FBXO15: variants seen among roughly 807,000 people sequenced by gnomAD.
The protein encoded by FBXO15 is F-box protein 15, also known as F-box only protein 15.
A neutral mutation model predicts 49.5 loss-of-function variants in FBXO15; 30 were observed. That is an observed-to-expected ratio of 0.61 (90% confidence interval 0.45 to 0.82). FBXO15 has a LOEUF of 0.82. Among genes scored for constraint, FBXO15 ranks in the 40% least tolerant of loss-of-function variants. FBXO15 has a pLI of 0.00. For missense variants in FBXO15, 591 were observed against 631.5 expected, an observed-to-expected ratio of 0.94 and a Z score of 0.69; for synonymous variants, 250 against 232.7, an observed-to-expected ratio of 1.07 and a Z score of -0.68.
chr18:74,086,911 C>A (rs992818818), intron 8 of FBXO15, among the ~76,000 whole-genome samples: 5 of 152,270 alleles, frequency 3.3e-5, no homozygotes, highest in African/African-American at 9.6e-5. Flanking sequence ...GAAACTTAAA[C>A]ACAAGCATAT....
intron 2 of FBXO15, among the ~76,000 whole-genome samples, chr18:74,139,429 G>A (rs1277803516): frequency 3.9e-5 from 6 of 152,194 alleles, no homozygotes; most frequent in Non-Finnish European, 8.8e-5. Context: ...AGAGCATAGG[G>A]TTTTAAGCTG....
chr18:74,113,112 G>C (rs1914100037), intron 8 of FBXO15, among the ~76,000 whole-genome samples: 1 of 152,146 alleles, frequency 6.6e-6, no homozygotes, highest in African/African-American at 2.4e-5. Flanking sequence ...ATATTATTCA[G>C]CACTAAAAGG....
At chr18:74,084,450 G>A (rs1386874227) in intron 8 of FBXO15, among the ~76,000 whole-genome samples, 1 of 152,242 alleles carries the variant, frequency 6.6e-6, no homozygotes, top group Non-Finnish European at 1.5e-5. Flanking sequence ...AGGCGGGCAG[G>A]AGCAGAGGTT....
chr18:74,141,198 C>G (rs1979052891), intron 1 of FBXO15, among the ~76,000 whole-genome samples: 1 of 152,196 alleles, frequency 6.6e-6, no homozygotes, highest in African/African-American at 2.4e-5. Flanking sequence ...TTATTAAGAT[C>G]AGTCCTCAAA....
intron 5 of FBXO15, 151 bp from the exon 6 acceptor site, chr18:74,126,252 A>T: frequency 9.7e-7 from 1 of 1,029,216 alleles, no homozygotes. Context: ...TGAGGACACA[A>T]ATGAATAAAA....
In FBXO15 at chr18:74,135,872, A is replaced by G. The variant is rs750321002; in HGVS notation, c.228-6T>C. ...GCAAGATTTCTGAAGGCATTCTGCA[A>G]AAACAGAAAAAGAAAAAAAAAATCA... is the stretch of plus-strand genomic sequence containing the variant. On this transcript the variant is annotated splice_polypyrimidine_tract_variant and splice_region_variant and intron_variant, in intron 2 of 9. Coordinates refer to ENST00000419743, the MANE Select transcript of FBXO15 (RefSeq NM_001142958.2). The G allele has an allele frequency of 3.1e-6, 5 of 1,598,340 alleles. No homozygotes were observed. The East Asian group carries it at 1.1e-4, about 36-fold the overall frequency.
At chr18:74,080,633 T>C (rs1057441285) in intron 9 of FBXO15, among the ~76,000 whole-genome samples, 2 of 152,246 alleles carry the variant, frequency 1.3e-5, no homozygotes, top group African/African-American at 2.4e-5. Context: ...AGAACTTCTA[T>C]GAGAAATCTG....
chr18:74,125,903 A>G (rs1334197403), intron 6 of FBXO15, 72 bp downstream of exon 6: 2 of 1,569,664 alleles, frequency 1.3e-6, no homozygotes, highest in African/African-American at 2.7e-5. Flanking sequence ...ATTTGAAGTC[A>G]TACATAATGG....
At chr18:74,145,689 C>CT (rs1479434979) in intron 1 of FBXO15, among the ~76,000 whole-genome samples, 1 of 150,888 alleles carries the variant, frequency 6.6e-6, no homozygotes, top group Admixed American at 6.6e-5. Flanking sequence ...GCTCCGCCTC[C>CT]TGGGTTCACG....
At chr18:74,125,948 C>T in intron 6 of FBXO15, 27 bp downstream of exon 6, 1 of 1,611,690 alleles carries the variant, frequency 6.2e-7, no homozygotes, top group Non-Finnish European at 8.5e-7. Context: ...GGAAATGACA[C>T]AGTACATACA....
In FBXO15 at chr18:74,124,688, A is replaced by G. The variant is rs377503660; in HGVS notation, c.913-117T>C. The G allele has an allele frequency of 1.2e-5, 10 of 814,932 alleles. No homozygotes were observed. In the African/African-American group the frequency reaches 1.3e-4, roughly 11 times the overall value. 50.5% of individuals were successfully genotyped at this position (814,932 alleles called of 1,614,324 possible). Reference sequence around the variant, plus strand: ...CAGATAGAGGCACTTTCTTACAAACATAAGATCACCACAGTGCTAATGCAT... The same window carrying G: ...CAGATAGAGGCACTTTCTTACAAACGTAAGATCACCACAGTGCTAATGCAT... On this transcript the variant is annotated intron_variant, in intron 6 of 9. Coordinates refer to ENST00000419743, the MANE Select transcript of FBXO15 (RefSeq NM_001142958.2).
At chr18:74,121,884 T>C (rs1204727630) in intron 8 of FBXO15, among the ~76,000 whole-genome samples, 6 of 152,118 alleles carry the variant, frequency 3.9e-5, no homozygotes, top group Non-Finnish European at 7.4e-5. Flanking sequence ...CAGAAATGCT[T>C]GAGTTTGCAA....
chr18:74,079,037 G>A (rs1912377862), intron 9 of FBXO15, among the ~76,000 whole-genome samples: 2 of 152,112 alleles, frequency 1.3e-5, no homozygotes, highest in African/African-American at 4.8e-5. Flanking sequence ...GAACTCAGCT[G>A]TTCTTACATA....
At chr18:74,120,060 A>G (rs1914409155) in intron 8 of FBXO15, among the ~76,000 whole-genome samples, 4 of 152,236 alleles carry the variant, frequency 2.6e-5, no homozygotes, top group Admixed American at 1.3e-4. Flanking sequence ...TAATACTGGC[A>G]TAGAAGGCAC....
intron 8 of FBXO15, among the ~76,000 whole-genome samples, chr18:74,111,879 T>C (rs1403959567): frequency 6.6e-6 from 1 of 152,116 alleles, no homozygotes; most frequent in East Asian, 1.9e-4. Context: ...CCCATGGATA[T>C]TAAAAAGATA....
intron 2 of FBXO15, among the ~76,000 whole-genome samples, chr18:74,137,573 A>T (rs938937241): frequency 6.6e-6 from 1 of 152,216 alleles, no homozygotes; most frequent in African/African-American, 2.4e-5. Context: ...AAAAGGAGAA[A>T]ATCTCTACTT....
chr18:74,127,523 C>T (rs769683407), intron 5 of FBXO15, among the ~76,000 whole-genome samples: 1 of 152,178 alleles, frequency 6.6e-6, no homozygotes, highest in Non-Finnish European at 1.5e-5. Flanking sequence ...ACAAAAAAGA[C>T]CCAAATAAAA....
intron 8 of FBXO15, among the ~76,000 whole-genome samples, chr18:74,086,467 C>T (rs753072720): frequency 4.6e-5 from 7 of 152,202 alleles, no homozygotes; most frequent in Non-Finnish European, 7.3e-5. Flanking sequence ...CTCACTCTGT[C>T]GCACAGGCTG....
At chr18:74,140,406 C>A in intron 1 of FBXO15, 94 bp from the exon 2 acceptor site, 2 of 1,074,344 alleles carry the variant, frequency 1.9e-6, no homozygotes, top group Non-Finnish European at 2.5e-6. Flanking sequence ...TTCATAAACT[C>A]CAAAGATTAC....
Sources: allele counts gnomAD v4.1 joint callset (sites outside exome capture counted in the v4.1 genomes callset), GRCh38; gene constraint gnomAD v4.1.1; transcripts MANE v1.5; gene names NCBI Gene and HGNC (gene_info 2026-07-23, HGNC 2026-07-21).